SEMA3D: variants seen among roughly 807,000 people sequenced by gnomAD.
The protein encoded by SEMA3D is semaphorin-3D.
SEMA3D carries 84 observed loss-of-function variants against 100.1 expected under a neutral mutation model. The ratio of observed to expected loss-of-function variants is 0.84; its 90% confidence interval spans 0.70 to 1.01. SEMA3D has a LOEUF of 1.01. Ranked by LOEUF, SEMA3D falls within the 50% of genes least tolerant of loss-of-function variation. SEMA3D has a pLI of 0.00. For synonymous variants in SEMA3D, 312 were observed against 320.7 expected, an observed-to-expected ratio of 0.97 and a Z score of 0.29; for missense variants, 875 against 934.1, an observed-to-expected ratio of 0.94 and a Z score of 0.82.
intron 9 of SEMA3D, among the ~76,000 whole-genome samples, chr7:85,055,266 C>G (rs145776047): frequency 6.6e-5 from 10 of 152,028 alleles, no homozygotes; most frequent in Non-Finnish European, 1.3e-4. Flanking sequence ...CTAGGGATTA[C>G]GTTAAGTTAC....
intron 1 of SEMA3D, among the ~76,000 whole-genome samples, chr7:85,157,984 A>G (rs1306723891): frequency 6.6e-6 from 1 of 152,142 alleles, no homozygotes; most frequent in African/African-American, 2.4e-5. Flanking sequence ...CACTTCCCCA[A>G]TCAATACCCT....
At position 85,121,803 on chromosome 7, in the gene SEMA3D, A is replaced by G. The variant is rs774569558; in HGVS notation, c.89T>C (p.Leu30Ser). 2 of 1,610,344 alleles carry G rather than the reference A, an allele frequency of 1.2e-6. No homozygotes were observed. The highest frequency in any genetic ancestry group is 1.7e-6 in the Non-Finnish European group (2 of 1,178,528). ...CAAAGTGCCAGTGACTGGAAGAAAC[A>G]ACATGGTCATGCTTAGCATCATCAA... Reference protein sequence around the residue: ...PALMMLSMTMLFLPVTGTLKQ... With the variant: ...PALMMLSMTMSFLPVTGTLKQ... Residue 30 changes from leucine (L) to serine (S), a missense_variant, in exon 3 of 19, where the codon TTG becomes TCG. Coordinates refer to ENST00000284136, the MANE Select transcript of SEMA3D (RefSeq NM_001384900.1).
chr7:85,040,815 T>A, intron 10 of SEMA3D, 73 bp from the exon 11 acceptor site: 1 of 709,054 alleles, frequency 1.4e-6, no homozygotes. Context: ...ATAACACAAC[T>A]GAAACTCTGA....
the SEMA3D span, among the ~76,000 whole-genome samples, chr7:85,200,540 A>T: frequency 6.6e-6 from 1 of 152,254 alleles, no homozygotes; most frequent in East Asian, 1.9e-4. Flanking sequence ...TCAAGAGGAG[A>T]CTTGGGTGCT....
chr7:85,028,017 G>T, intron 12 of SEMA3D: 1 of 574,924 alleles, frequency 1.7e-6, no homozygotes, highest in Non-Finnish European at 3.3e-6. Context: ...AATGAACCGT[G>T]CCAGCATGGC....
chr7:85,114,127 A>AG (rs1789171724), intron 3 of SEMA3D, among the ~76,000 whole-genome samples: 1 of 152,166 alleles, frequency 6.6e-6, no homozygotes, highest in South Asian at 2.1e-4. Flanking sequence ...GAAAATGTCA[A>AG]GGGAATGTTG....
the SEMA3D span, among the ~76,000 whole-genome samples, chr7:85,201,488 T>C: frequency 6.6e-6 from 1 of 152,162 alleles, no homozygotes; most frequent in African/African-American, 2.4e-5. Context: ...GGGTTCCAGA[T>C]CTGACCCTAC....
At chr7:85,043,389 C>G (rs1434647647) in intron 9 of SEMA3D, among the ~76,000 whole-genome samples, 1 of 151,964 alleles carries the variant, frequency 6.6e-6, no homozygotes, top group Non-Finnish European at 1.5e-5. Context: ...AAAAACAAAT[C>G]TTTTAAAGAA....
rs1044853259 is a variant in SEMA3D at position 85,081,399 on chromosome 7, T to A, written c.375+118A>T. 17 of 621,230 alleles carry A rather than the reference T, an allele frequency of 2.7e-5. No individual in the cohort carries two copies. In the Middle Eastern group the frequency reaches 2.7e-3, roughly 99 times the overall value. 38.5% of individuals were successfully genotyped at this position (621,230 alleles called of 1,614,324 possible). A position where few individuals can be genotyped will look rare whatever the true frequency, so the allele number is the denominator to read the frequency against. ...CACATTAATATTCACATAGAATATG[T>A]TAGTTTAGTCTGAAAAATAATACAC... On this transcript the variant is annotated intron_variant, in intron 5 of 18. Coordinates refer to ENST00000284136, the MANE Select transcript of SEMA3D (RefSeq NM_001384900.1).
chr7:85,176,752 A>G (rs1250913788), intron 1 of SEMA3D, among the ~76,000 whole-genome samples: 2 of 148,540 alleles, frequency 1.3e-5, no homozygotes, highest in Non-Finnish European at 3.0e-5. Context: ...AGTAACATGT[A>G]TATATGTGTG....
At chr7:85,193,393 A>G in the SEMA3D span, among the ~76,000 whole-genome samples, 1 of 152,132 alleles carries the variant, frequency 6.6e-6, no homozygotes, top group Non-Finnish European at 1.5e-5. Flanking sequence ...TCAAGAAAAA[A>G]ATGTCCCCTC....
upstream of SEMA3D, among the ~76,000 whole-genome samples, chr7:85,188,350 A>G (rs146384151): frequency 2.8e-4 from 42 of 152,278 alleles, no homozygotes; most frequent in African/African-American, 1.0e-3. Context: ...TCAACCCCAT[A>G]AATACCCTCT....
At chr7:85,232,022 A>G in the SEMA3D span, among the ~76,000 whole-genome samples, 71 of 152,178 alleles carry the variant, frequency 4.7e-4, no homozygotes, top group African/African-American at 1.6e-3. Context: ...AGATTCACCC[A>G]CTCTATTTAA....
the SEMA3D span, among the ~76,000 whole-genome samples, chr7:85,199,429 A>G: frequency 6.6e-6 from 1 of 152,086 alleles, no homozygotes; most frequent in Non-Finnish European, 1.5e-5. Flanking sequence ...TACTATATAA[A>G]GCTAGTTGTT....
chr7:85,029,342 A>G, intron 12 of SEMA3D: 2 of 1,352,596 alleles, frequency 1.5e-6, no homozygotes, highest in South Asian at 2.3e-5. Context: ...AAAGCTGAAG[A>G]TGAGAAGCAG....
At chr7:85,118,959 G>A (rs1009366765) in intron 3 of SEMA3D, among the ~76,000 whole-genome samples, 3 of 151,758 alleles carry the variant, frequency 2.0e-5, no homozygotes, top group African/African-American at 7.3e-5. Flanking sequence ...GACATGAACA[G>A]ACACTTTTCA....
chr7:85,186,295 C>T lies in SEMA3D; in HGVS notation c.-173+383G>A, dbSNP rs141923987. On this transcript the variant is annotated intron_variant, in intron 1 of 18. Coordinates refer to ENST00000284136, the MANE Select transcript of SEMA3D (RefSeq NM_001384900.1). ...GGGACACATTCATAGACGCTCTCTGCTGCCCAGACCAGGAGGGGTGGTGGG... is the reference window on the plus strand; with the variant it reads ...GGGACACATTCATAGACGCTCTCTGTTGCCCAGACCAGGAGGGGTGGTGGG... 2.0e-3 allele frequency among the ~76,000 whole-genome samples: 311 copies of T among 152,286 alleles called. 1 individual carries two copies. Among genetic ancestry groups the T allele is most frequent in the African/African-American group, 7.3e-3 (305 of 41,568 alleles).
the SEMA3D span, among the ~76,000 whole-genome samples, chr7:85,248,200 A>G: frequency 1.3e-5 from 2 of 152,178 alleles, no homozygotes; most frequent in Admixed American, 1.3e-4. Context: ...AGATATACAC[A>G]GAGCAAATAA....
intron 9 of SEMA3D, among the ~76,000 whole-genome samples, chr7:85,050,072 AACACACACACACACAC>A (rs55849524): frequency 2.0e-4 from 28 of 137,018 alleles, no homozygotes; most frequent in African/African-American, 3.3e-4. Flanking sequence ...CTTGAAGGGA[AACACACACACACACAC>A]ACACACACAC....
Sources: gnomAD v4.1 joint callset for allele counts (sites outside exome capture counted in the v4.1 genomes callset) on GRCh38, gnomAD v4.1.1 for gene constraint, MANE v1.5 for transcripts, NCBI Gene and HGNC (gene_info 2026-07-23, HGNC 2026-07-21) for gene names.